The following TMEM132C variants were observed in gnomAD, a reference collection of about 807,000 sequenced individuals.
The protein encoded by TMEM132C is protein phosphatase 1, regulatory subunit 152.
TMEM132C carries 29 observed loss-of-function variants against 61.4 expected under a neutral mutation model. The observed-to-expected ratio is 0.47, with a 90% confidence interval of 0.35 to 0.64. The LOEUF is 0.64. Ranked by LOEUF, TMEM132C falls within the 30% of genes least tolerant of loss-of-function variation. TMEM132C has a pLI of 0.00. For missense variants in TMEM132C, 1,408 were observed against 1,476.9 expected, an observed-to-expected ratio of 0.95 and a Z score of 0.76; for synonymous variants, 656 against 633.1, an observed-to-expected ratio of 1.04 and a Z score of -0.54.
At chr12:128,402,554 T>G (rs1446576823) in intron 1 of TMEM132C, among the ~76,000 whole-genome samples, 2 of 152,230 alleles carry the variant, frequency 1.3e-5, no homozygotes, top group South Asian at 4.1e-4. Flanking sequence ...CGTAGGAAAC[T>G]GACACACCGT....
At chr12:128,410,946 C>G (rs1868514256) in intron 1 of TMEM132C, among the ~76,000 whole-genome samples, 1 of 152,152 alleles carries the variant, frequency 6.6e-6, no homozygotes, top group Non-Finnish European at 1.5e-5. Context: ...TTTCAACTTT[C>G]TTCTTAATTC....
At chr12:128,431,111 G>T (rs1196765851) in intron 2 of TMEM132C, among the ~76,000 whole-genome samples, 1 of 152,200 alleles carries the variant, frequency 6.6e-6, no homozygotes, top group Non-Finnish European at 1.5e-5. Context: ...GGAAAGTTCT[G>T]GAAGGAAATG....
intron 2 of TMEM132C, among the ~76,000 whole-genome samples, chr12:128,502,524 A>T (rs1340147093): frequency 6.6e-6 from 1 of 152,042 alleles, no homozygotes; most frequent in Non-Finnish European, 1.5e-5. Context: ...CACCTTTTTC[A>T]CCCTAAAGGG....
chr12:128,599,396 A>G (rs1199714824), intron 3 of TMEM132C, among the ~76,000 whole-genome samples: 1 of 152,246 alleles, frequency 6.6e-6, no homozygotes, highest in Non-Finnish European at 1.5e-5. Context: ...ACTGGGGGAC[A>G]GGACCTTCCT....
intron 1 of TMEM132C, among the ~76,000 whole-genome samples, chr12:128,374,017 C>G (rs534945217): frequency 1.7e-4 from 26 of 152,308 alleles, no homozygotes; most frequent in African/African-American, 6.0e-4. Flanking sequence ...CTCATGTAAC[C>G]TCTGTGCTTT....
chr12:128,606,347 G>A (rs1342145944), intron 3 of TMEM132C, among the ~76,000 whole-genome samples: 1 of 152,284 alleles, frequency 6.6e-6, no homozygotes, highest in East Asian at 1.9e-4. Flanking sequence ...CCACCGCCTG[G>A]GGCTTTCACA....
intron 1 of TMEM132C, among the ~76,000 whole-genome samples, chr12:128,320,989 T>C (rs929027512): frequency 1.3e-5 from 2 of 151,656 alleles, no homozygotes; most frequent in Non-Finnish European, 2.9e-5. Flanking sequence ...CAATAGAAAT[T>C]GATTTGGGAT....
chr12:128,404,258 A>C (rs1308146619), intron 1 of TMEM132C, among the ~76,000 whole-genome samples: 2 of 152,164 alleles, frequency 1.3e-5, no homozygotes, highest in Non-Finnish European at 2.9e-5. Flanking sequence ...TAAAAATACT[A>C]TATTTGTGGG....
At chr12:128,336,994 C>T (rs1180056191) in intron 1 of TMEM132C, among the ~76,000 whole-genome samples, 1 of 152,130 alleles carries the variant, frequency 6.6e-6, no homozygotes, top group Admixed American at 6.5e-5. Flanking sequence ...GGCCTCCTTC[C>T]AAGTTGGCAT....
At chr12:128,347,428 T>TCTCTCTCTCTCC (rs1308565825) in intron 1 of TMEM132C, among the ~76,000 whole-genome samples, 1 of 151,646 alleles carries the variant, frequency 6.6e-6, no homozygotes, top group African/African-American at 2.4e-5. Flanking sequence ...TCTCTCTCTC[T>TCTCTCTCTCTCC]CTCTCTCTCT....
intron 1 of TMEM132C, among the ~76,000 whole-genome samples, chr12:128,330,753 A>T (rs1872646938): frequency 6.6e-6 from 1 of 152,158 alleles, no homozygotes; most frequent in South Asian, 2.1e-4. Context: ...CTAGTAGAAA[A>T]ATTCTAGTTT....
intron 5 of TMEM132C, among the ~76,000 whole-genome samples, chr12:128,673,556 C>T (rs1175135852): frequency 6.6e-6 from 1 of 151,870 alleles, no homozygotes; most frequent in Non-Finnish European, 1.5e-5. Context: ...CAGAAGAAGG[C>T]ACTGTCTGTC....
At chr12:128,681,154 C>A (rs948447472) in intron 5 of TMEM132C, among the ~76,000 whole-genome samples, 11 of 152,102 alleles carry the variant, frequency 7.2e-5, no homozygotes, top group African/African-American at 2.4e-4. Flanking sequence ...TAATTCTTTG[C>A]ATTTTTAGTA....
intron 3 of TMEM132C, among the ~76,000 whole-genome samples, chr12:128,587,371 A>G (rs1875587762): frequency 6.6e-6 from 1 of 152,196 alleles, no homozygotes; most frequent in South Asian, 2.1e-4. Flanking sequence ...TCATCTGGCC[A>G]GAGGGGCAAG....
chr12:128,496,487 G>C (rs1472953200), intron 2 of TMEM132C, among the ~76,000 whole-genome samples: 3 of 151,860 alleles, frequency 2.0e-5, no homozygotes, highest in Non-Finnish European at 4.4e-5. Flanking sequence ...ATGTAGATTT[G>C]GTCTTTTCAC....
intron 2 of TMEM132C, among the ~76,000 whole-genome samples, chr12:128,416,159 C>G (rs1003296757): frequency 5.3e-5 from 8 of 151,982 alleles, no homozygotes; most frequent in African/African-American, 1.7e-4. Flanking sequence ...GCAAACATGC[C>G]GGGCATAAAA....
intron 1 of TMEM132C, among the ~76,000 whole-genome samples, chr12:128,366,134 G>A (rs1009065761): frequency 6.6e-5 from 10 of 152,254 alleles, no homozygotes; most frequent in South Asian, 2.1e-4. Flanking sequence ...GCGCCTGCTC[G>A]GCCTCCAGCC....
chr12:128,352,956 G>A (rs567459734), intron 1 of TMEM132C, among the ~76,000 whole-genome samples: 16 of 152,262 alleles, frequency 1.1e-4, no homozygotes, highest in Admixed American at 2.0e-4. Context: ...GGAACTGTCC[G>A]AGGTGGGAGG....
intron 2 of TMEM132C, among the ~76,000 whole-genome samples, chr12:128,423,646 G>A (rs1380284761): frequency 6.6e-6 from 1 of 152,038 alleles, no homozygotes; most frequent in Non-Finnish European, 1.5e-5. Context: ...AAGGTGGGAG[G>A]ATTGTGTGAA....
Sources: allele counts gnomAD v4.1 joint callset (sites outside exome capture counted in the v4.1 genomes callset), GRCh38; gene constraint gnomAD v4.1.1; transcripts MANE v1.5; gene names NCBI Gene and HGNC (gene_info 2026-07-23, HGNC 2026-07-21).